The following NEK11 variants were observed in gnomAD, a reference collection of about 807,000 sequenced individuals.
NEK11 encodes the protein serine/threonine-protein kinase Nek11.
Under a neutral mutation model 80.7 loss-of-function variants are expected in NEK11, and 72 were observed. The observed-to-expected ratio is 0.89, with a 90% confidence interval of 0.74 to 1.08. NEK11 has a LOEUF of 1.08. NEK11 is among the 50% of genes least tolerant of loss of function. NEK11 has a pLI of 0.00. For synonymous variants in NEK11, 251 were observed against 260.7 expected (o/e 0.96, Z 0.36); for missense variants, 764 against 763.6 (o/e 1.00, Z -0.01).
chr3:131,210,836 C>T (rs1259381556), intron 14 of NEK11, among the ~76,000 whole-genome samples: 2 of 152,100 alleles, frequency 1.3e-5, no homozygotes, highest in Admixed American at 1.3e-4. Context: ...GTAGATCTTC[C>T]TCCATCCCTT....
In NEK11 at chr3:131,130,828, A is replaced by G. The variant is rs150838594; in HGVS notation, c.456-1917A>G. 5.3e-5 allele frequency among the ~76,000 whole-genome samples: 8 copies of G among 152,216 alleles called. No homozygotes were observed. The East Asian group carries it at 1.5e-3, about 29-fold the overall frequency. On this transcript the variant is annotated intron_variant, in intron 5 of 17. Coordinates refer to ENST00000383366, the MANE Select transcript of NEK11 (RefSeq NM_024800.5). ...TATATATGTATATTTTTTGGACAAC[A>G]TCTCGCTCTGTCACCCAGGCTGGAG...
chr3:131,163,444 A>T (rs1362622603), intron 11 of NEK11, among the ~76,000 whole-genome samples: 1 of 152,220 alleles, frequency 6.6e-6, no homozygotes, highest in Non-Finnish European at 1.5e-5. Context: ...TTGCAACAAC[A>T]TGGATGAACC....
intron 14 of NEK11, among the ~76,000 whole-genome samples, chr3:131,216,218 G>A (rs1424422715): frequency 6.6e-6 from 1 of 152,176 alleles, no homozygotes; most frequent in Non-Finnish European, 1.5e-5. Flanking sequence ...GAAAGCATCA[G>A]AAAAATAAAG....
At chr3:131,053,034 T>A (rs1453144598) in intron 3 of NEK11, among the ~76,000 whole-genome samples, 1 of 152,114 alleles carries the variant, frequency 6.6e-6, no homozygotes, top group African/African-American at 2.4e-5. Flanking sequence ...ACACTCTTAT[T>A]AGCATTAATG....
chr3:131,350,021 G>GA lies in NEK11; in HGVS notation c.*249dup. ...CTTATAGATCAAGTTTGGCTCCCTT[G>GA]AAAAGCATTTCTCTCATGTGCGCCC... On this transcript the variant is annotated 3_prime_UTR_variant, in exon 18 of 18. Transcript: ENST00000383366. 1 of 468,150 alleles carries GA rather than the reference G, an allele frequency of 2.1e-6. No homozygotes were observed. Among genetic ancestry groups the GA allele is most frequent in the South Asian group, 2.5e-5 (1 of 39,670 alleles). The allele number at this position is 468,150 out of a possible 1,614,324, so 29.0% of individuals were successfully genotyped here.
chr3:131,174,271 T>G (rs1214740153), intron 14 of NEK11, among the ~76,000 whole-genome samples: 1 of 152,208 alleles, frequency 6.6e-6, no homozygotes, highest in Non-Finnish European at 1.5e-5. Flanking sequence ...ATCACAGAGA[T>G]TAATTGAAGT....
chr3:131,267,230 T>G (rs1395884159), intron 16 of NEK11, among the ~76,000 whole-genome samples: 3 of 152,240 alleles, frequency 2.0e-5, no homozygotes, highest in African/African-American at 7.2e-5. Flanking sequence ...ATCCTGTCAT[T>G]ATGATGCTAG....
intron 11 of NEK11, among the ~76,000 whole-genome samples, chr3:131,163,179 G>A (rs183514458): frequency 1.7e-3 from 261 of 152,230 alleles, no homozygotes; most frequent in African/African-American, 5.9e-3. Flanking sequence ...ATAGCATGAA[G>A]ATTCCTCTAA....
intron 17 of NEK11, among the ~76,000 whole-genome samples, chr3:131,317,797 A>AGG (rs2096856798): frequency 1.0e-5 from 1 of 98,400 alleles, no homozygotes; most frequent in African/African-American, 4.2e-5. Flanking sequence ...AGGAGGAGAG[A>AGG]AGGAGGAGGA....
intron 4 of NEK11, among the ~76,000 whole-genome samples, chr3:131,107,518 A>C (rs2079394412): frequency 6.6e-6 from 1 of 152,118 alleles, no homozygotes; most frequent in South Asian, 2.1e-4. Context: ...GGCAACATGT[A>C]GGCAATAGTC....
chr3:131,209,330 G>A lies in NEK11; in HGVS notation c.1400-19198G>A, dbSNP rs553609624. ...CTTGCATCCCAGGGATGAAGCCAAC[G>A]TGACCGTGGTGGATAAGCTTTTTTG... On this transcript the variant is annotated intron_variant, in intron 14 of 17. Transcript: ENST00000383366. 3.3e-5 allele frequency among the ~76,000 whole-genome samples: 5 copies of A among 152,296 alleles called. No individual in the cohort carries two copies. The South Asian group carries it at 6.2e-4, about 19-fold the overall frequency.
At chr3:131,228,253 T>TA (rs1338926108) in intron 14 of NEK11, among the ~76,000 whole-genome samples, 15 of 152,178 alleles carry the variant, frequency 9.9e-5, no homozygotes, top group Admixed American at 9.8e-4. Context: ...GTCAAAATGT[T>TA]AAAGCATATT....
At chr3:131,037,986 T>C (rs1313790925) in intron 3 of NEK11, among the ~76,000 whole-genome samples, 1 of 152,126 alleles carries the variant, frequency 6.6e-6, no homozygotes, top group Non-Finnish European at 1.5e-5. Flanking sequence ...TGGAGAGTTA[T>C]GAAAACAATT....
intron 4 of NEK11, among the ~76,000 whole-genome samples, chr3:131,099,882 G>A (rs2078101963): frequency 6.6e-6 from 1 of 152,156 alleles, no homozygotes; most frequent in African/African-American, 2.4e-5. Context: ...AGTCTTTAGG[G>A]TGTTTTAGGA....
chr3:131,034,233 T>C (rs941707790), intron 3 of NEK11, among the ~76,000 whole-genome samples: 1 of 152,248 alleles, frequency 6.6e-6, no homozygotes, highest in African/African-American at 2.4e-5. Flanking sequence ...TAATTAATCA[T>C]GGCCACAGCT....
At chr3:131,297,742 C>A (rs1581576451) in intron 17 of NEK11, among the ~76,000 whole-genome samples, 1 of 152,182 alleles carries the variant, frequency 6.6e-6, no homozygotes, top group East Asian at 1.9e-4. Context: ...CTTGCCCATG[C>A]CTATGTCCTG....
intron 7 of NEK11, among the ~76,000 whole-genome samples, chr3:131,136,594 G>A (rs2085613714): frequency 1.3e-5 from 2 of 152,150 alleles, no homozygotes. Context: ...CATCTGTAAT[G>A]TTTGCCCATA....
At chr3:131,082,743 C>T (rs921865423) in intron 4 of NEK11, among the ~76,000 whole-genome samples, 9 of 152,154 alleles carry the variant, frequency 5.9e-5, no homozygotes, top group African/African-American at 1.9e-4. Flanking sequence ...AGAAATGTTA[C>T]AAGAGTAACA....
At chr3:131,112,384 CTAAGA>C (rs1209735203) in intron 5 of NEK11, among the ~76,000 whole-genome samples, 1 of 152,030 alleles carries the variant, frequency 6.6e-6, no homozygotes. Flanking sequence ...CAAAACTAAC[CTAAGA>C]TAAGTCAGAA....
Sources: allele counts gnomAD v4.1 joint callset (sites outside exome capture counted in the v4.1 genomes callset), GRCh38; gene constraint gnomAD v4.1.1; transcripts MANE v1.5; gene names NCBI Gene and HGNC (gene_info 2026-07-23, HGNC 2026-07-21).